Variants in CDKL3 observed in about 807,000 individuals in gnomAD.
The protein encoded by CDKL3 is cyclin dependent kinase like 3, also known as cyclin-dependent kinase-like 3.
Under a neutral mutation model 69.3 loss-of-function variants are expected in CDKL3, and 65 were observed. The observed-to-expected ratio is 0.94, with a 90% CI of 0.77 to 1.15. The LOEUF (loss-of-function observed/expected upper bound fraction) is 1.15, where lower values mean the gene tolerates loss of function less well. CDKL3 is among the 50% of genes most tolerant of loss of function. CDKL3 has a pLI of 0.00. For missense variants in CDKL3, 652 were observed against 689.2 expected (o/e 0.95, Z 0.61); for synonymous variants, 202 against 221.6 (o/e 0.91, Z 0.79).
At chr5:134,322,805 C>T (rs1773132416) in intron 4 of CDKL3, among the ~76,000 whole-genome samples, 1 of 152,076 alleles carries the variant, frequency 6.6e-6, no homozygotes, top group Non-Finnish European at 1.5e-5. Context: ...CATGGAAAAA[C>T]CTCGTCTCTA....
intron 4 of CDKL3, among the ~76,000 whole-genome samples, chr5:134,335,241 A>C (rs1458257570): frequency 6.6e-6 from 1 of 151,480 alleles, no homozygotes; most frequent in Non-Finnish European, 1.5e-5. Context: ...GGGTCCCCTG[A>C]ATACAGCACA....
At chr5:134,368,632 A>AG (rs1757976902), upstream of CDKL3, among the ~76,000 whole-genome samples, 1 of 151,742 alleles carries the variant, frequency 6.6e-6, no homozygotes, top group Admixed American at 6.6e-5. Context: ...AAAAAAAAAA[A>AG]AAAAAAAAAG....
chr5:134,283,794 C>T (rs992933543), downstream of CDKL3, among the ~76,000 whole-genome samples: 8 of 152,184 alleles, frequency 5.3e-5, no homozygotes, highest in South Asian at 1.5e-3. Flanking sequence ...AAGGCAAGTC[C>T]CTTCCATCTA....
intron 4 of CDKL3, among the ~76,000 whole-genome samples, chr5:134,330,785 T>A (rs1775591102): frequency 6.6e-6 from 1 of 152,204 alleles, no homozygotes; most frequent in African/African-American, 2.4e-5. Flanking sequence ...GATATTATCA[T>A]TCTCTGGTCA....
At chr5:134,358,074 G>A (rs1755052151) in intron 3 of CDKL3, among the ~76,000 whole-genome samples, 1 of 152,112 alleles carries the variant, frequency 6.6e-6, no homozygotes, top group Non-Finnish European at 1.5e-5. Context: ...GCAAGATCCT[G>A]TCTCAAGAAA....
At chr5:134,356,348 T>C (rs370654914) in intron 3 of CDKL3, among the ~76,000 whole-genome samples, 31 of 152,348 alleles carry the variant, frequency 2.0e-4, no homozygotes, top group Admixed American at 1.4e-3. Context: ...CTTTGCCTGC[T>C]CGCCCACCAC....
At chr5:134,343,465 CA>C (rs1751039832) in intron 4 of CDKL3, among the ~76,000 whole-genome samples, 1 of 152,168 alleles carries the variant, frequency 6.6e-6, no homozygotes, top group African/African-American at 2.4e-5. Flanking sequence ...AAGACAGTAA[CA>C]ACCCTTTCCC....
chr5:134,348,174 G>A (rs753222622), intron 4 of CDKL3, among the ~76,000 whole-genome samples: 7 of 152,144 alleles, frequency 4.6e-5, no homozygotes, highest in Non-Finnish European at 7.4e-5. Context: ...GACTGCTTGA[G>A]GGCAGGAGTT....
At chr5:134,313,816 T>C (rs1770240664) in intron 6 of CDKL3, among the ~76,000 whole-genome samples, 1 of 152,060 alleles carries the variant, frequency 6.6e-6, no homozygotes, top group African/African-American at 2.4e-5. Context: ...ACCTACTTAA[T>C]GATGTGGCAA....
chr5:134,346,274 A>G (rs1359550427), intron 4 of CDKL3, among the ~76,000 whole-genome samples: 1 of 152,204 alleles, frequency 6.6e-6, no homozygotes, highest in Non-Finnish European at 1.5e-5. Flanking sequence ...TTACCATTAG[A>G]TCATACTCCT....
intron 3 of CDKL3, among the ~76,000 whole-genome samples, chr5:134,353,079 T>TA (rs1753721042): frequency 6.6e-6 from 1 of 152,228 alleles, no homozygotes; most frequent in African/African-American, 2.4e-5. Context: ...TCTTTATTTT[T>TA]AGTTGATTTT....
chr5:134,336,233 T>C (rs771707939), intron 4 of CDKL3, among the ~76,000 whole-genome samples: 11 of 152,198 alleles, frequency 7.2e-5, no homozygotes, highest in Non-Finnish European at 1.3e-4. Flanking sequence ...CTAACCTTTT[T>C]TCAAGGTTTT....
chr5:134,293,652 T>C (rs1205102029), downstream of CDKL3, among the ~76,000 whole-genome samples: 1 of 151,636 alleles, frequency 6.6e-6, no homozygotes, highest in Non-Finnish European at 1.5e-5. Flanking sequence ...ATTTAAATAT[T>C]AGCTGGATAT....
chr5:134,348,221 A>C (rs1054662062), intron 4 of CDKL3, among the ~76,000 whole-genome samples: 8 of 152,146 alleles, frequency 5.3e-5, no homozygotes, highest in Non-Finnish European at 1.2e-4. Context: ...ACCTGTCTCT[A>C]TTATTTTAAA....
chr5:134,351,067 T>C (rs1753187549), intron 3 of CDKL3, among the ~76,000 whole-genome samples: 1 of 152,150 alleles, frequency 6.6e-6, no homozygotes. Context: ...GCCAAAGCCA[T>C]CTACATTTTT....
intron 8 of CDKL3, among the ~76,000 whole-genome samples, chr5:134,292,705 T>TA (rs1281125810): frequency 6.6e-6 from 1 of 150,982 alleles, no homozygotes; most frequent in Non-Finnish European, 1.5e-5. Context: ...GACTTACTAA[T>TA]AAAAAAAAGG....
At chr5:134,305,952 T>C (rs1207031148) in intron 10 of CDKL3, among the ~76,000 whole-genome samples, 2 of 152,182 alleles carry the variant, frequency 1.3e-5, no homozygotes, top group Non-Finnish European at 2.9e-5. Context: ...TTGGCAATTG[T>C]TTTTAATCCA....
At chr5:134,288,020 G>A (rs1249212564) in intron 8 of CDKL3, among the ~76,000 whole-genome samples, 2 of 151,022 alleles carry the variant, frequency 1.3e-5, no homozygotes, top group Non-Finnish European at 2.9e-5. Flanking sequence ...TCAGCCTCCC[G>A]AGTAGCTGGG....
Position 134,344,427 on chromosome 5 carries a change from A to T in CDKL3, c.539+5822T>A, listed in dbSNP as rs150250875. Among the ~76,000 whole-genome samples the T allele has an allele frequency of 3.3e-5, 5 of 152,344 alleles. No homozygotes were observed. The East Asian group carries it at 9.6e-4, about 29-fold the overall frequency. ...GGAATTTGTATCTAGGATATGCAGA[A>T]AATTCTTACAACTCAATAATAAAAA... On this transcript the variant is annotated intron_variant, in intron 4 of 12. Transcript: ENST00000265334.
Sources: allele counts gnomAD v4.1 joint callset (sites outside exome capture counted in the v4.1 genomes callset), GRCh38; gene constraint gnomAD v4.1.1; transcripts MANE v1.5; gene names NCBI Gene and HGNC (gene_info 2026-07-23, HGNC 2026-07-21).